SYNJ1: variants seen among roughly 807,000 people sequenced by gnomAD.
SYNJ1 encodes synaptojanin 1, also known as polyphosphatidylinositol phosphatase SYNJ1.
SYNJ1 carries 78 observed loss-of-function variants against 168.2 expected under a neutral mutation model. That is an observed-to-expected ratio of 0.46 (90% CI 0.39 to 0.56). The LOEUF (loss-of-function observed/expected upper bound fraction) is 0.56. Among genes scored for constraint, SYNJ1 ranks in the 20% least tolerant of loss-of-function variants. The pLI is 0.00. For synonymous variants in SYNJ1, 539 were observed against 548.6 expected, an observed-to-expected ratio of 0.98 and a Z score of 0.24; for missense variants, 1,303 against 1,597.6, an observed-to-expected ratio of 0.82 and a Z score of 3.14.
intron 1 of SYNJ1, among the ~76,000 whole-genome samples, chr21:32,727,386 G>A (rs925595498): frequency 4.6e-5 from 7 of 152,224 alleles, no homozygotes; most frequent in Non-Finnish European, 5.9e-5. Context: ...GGGGGCAGGA[G>A]AAGGAAAAGG....
intron 2 of SYNJ1, among the ~76,000 whole-genome samples, chr21:32,712,072 T>C (rs966813035): frequency 1.3e-5 from 2 of 152,268 alleles, no homozygotes; most frequent in South Asian, 2.1e-4. Context: ...GTCAACATTC[T>C]GCTGTGGGTC....
chr21:32,660,785 A>G (rs2040667068), intron 18 of SYNJ1, among the ~76,000 whole-genome samples: 1 of 152,226 alleles, frequency 6.6e-6, no homozygotes, highest in African/African-American at 2.4e-5. Flanking sequence ...GGAGCATTAT[A>G]TAAGGAAAAG....
At chr21:32,660,958 G>A (rs1039091694) in intron 18 of SYNJ1, among the ~76,000 whole-genome samples, 2 of 152,210 alleles carry the variant, frequency 1.3e-5, no homozygotes, top group African/African-American at 4.8e-5. Flanking sequence ...TGACTCAGAA[G>A]CTCGAAAAGC....
At chr21:32,697,493 T>C (rs1255698358) in intron 4 of SYNJ1, among the ~76,000 whole-genome samples, 1 of 125,284 alleles carries the variant, frequency 8.0e-6, no homozygotes, top group Non-Finnish European at 1.7e-5. Context: ...TACTCTTAAG[T>C]GAATTAAAAA....
rs1269479778 is a variant in SYNJ1 at position 32,657,633 on chromosome 21, T to C, written c.2461+83A>G. ...GTTAATGTTTCTTGAAAAACAATATTCTCCTCATTTGATATTATGTCATTC... is the reference window on the plus strand; with the variant it reads ...GTTAATGTTTCTTGAAAAACAATATCCTCCTCATTTGATATTATGTCATTC... On this transcript the variant is annotated intron_variant, in intron 19 of 32. Coordinates refer to ENST00000674351, the MANE Select transcript of SYNJ1 (RefSeq NM_203446.3). The C allele has an allele frequency of 4.5e-5, 58 of 1,295,194 alleles. 1 individual carries two copies. The Admixed American group carries it at 1.5e-3, about 35-fold the overall frequency. The allele number at this position is 1,295,194 out of a possible 1,614,324, so 80.2% of individuals were successfully genotyped here.
chr21:32,717,599 T>C lies in SYNJ1; in HGVS notation c.124+9173A>G, dbSNP rs112071022. On this transcript the variant is annotated intron_variant, in intron 2 of 32. Coordinates refer to ENST00000674351, the MANE Select transcript of SYNJ1 (RefSeq NM_203446.3). Reference sequence around the variant, plus strand: ...AGTATACCCTTTGCAGTACTCAACCTAATTCTCCATGCAGGACTTCTCCAC... The same window carrying C: ...AGTATACCCTTTGCAGTACTCAACCCAATTCTCCATGCAGGACTTCTCCAC... Among the ~76,000 whole-genome samples, 114 of 152,308 alleles carry C rather than the reference T, an allele frequency of 7.5e-4. 1 individual carries two copies. The highest frequency in any genetic ancestry group is 2.6e-3 in the African/African-American group (109 of 41,570).
At position 32,673,400 on chromosome 21, in the gene SYNJ1, G is replaced by C. The variant is rs761144177; in HGVS notation, c.1666C>G (p.Gln556Glu). 1.2e-6 allele frequency: 2 copies of C among 1,613,846 alleles called. No individual in the cohort carries two copies. The highest frequency in any genetic ancestry group is 1.7e-6 in the Non-Finnish European group (2 of 1,179,876). Reference protein sequence around the residue: ...KQFRSIAFKNQTLTDWLLDAP... With the variant: ...KQFRSIAFKNETLTDWLLDAP... Reference sequence around the variant, plus strand: ...TCAAGAAGCCAGTCAGTGAGTGTCTGATTCTTAAAAGCTATGCTGCGAAAT... The same window carrying C: ...TCAAGAAGCCAGTCAGTGAGTGTCTCATTCTTAAAAGCTATGCTGCGAAAT... Residue 556 changes from glutamine (Q) to glutamate (E), a missense_variant, in exon 14 of 33, where the codon CAG becomes GAG. Around this residue, in one of 2 missense-constraint regions of SYNJ1, gnomAD observed 920 missense variants for 1,208.8 expected, o/e 0.76. Transcript: ENST00000674351.
intron 18 of SYNJ1, 82 bp from the exon 19 acceptor site, chr21:32,657,954 C>A: frequency 9.3e-7 from 1 of 1,074,874 alleles, no homozygotes; most frequent in East Asian, 2.5e-5. Context: ...CATTAAATGT[C>A]TATTACATGC....
Position 32,681,640 on chromosome 21 carries a change from A to G in SYNJ1, c.1209T>C (p.Ala403=), listed in dbSNP as rs1248754086. The change falls in exon 11 of 33, where the codon GCT becomes GCC. Residue 403 remains alanine (A), a synonymous_variant. Transcript: ENST00000674351. The stretch of plus-strand genomic sequence containing the variant: ...CTAAACCAAGAGCTTCCAACTGTTT[A>G]GCTAGCATCTTAAAAAGCAAACAAG... ...VQAFLGLEML[A]KQLEALGLAE... 1 of 1,607,760 alleles carries G rather than the reference A, an allele frequency of 6.2e-7. No individual in the cohort carries two copies. The highest frequency in any genetic ancestry group is 8.5e-7 in the Non-Finnish European group (1 of 1,178,004).
intron 18 of SYNJ1, among the ~76,000 whole-genome samples, chr21:32,658,244 G>A (rs1484349276): frequency 6.6e-6 from 1 of 152,100 alleles, no homozygotes; most frequent in Non-Finnish European, 1.5e-5. Context: ...CCAATCCTGT[G>A]CCCATAAAAA....
intron 30 of SYNJ1, 37 bp from the exon 31 acceptor site, chr21:32,639,162 C>T (rs369736234): frequency 6.4e-7 from 1 of 1,552,114 alleles, no homozygotes; most frequent in Non-Finnish European, 8.7e-7. Context: ...TAGGTATATT[C>T]TAGAAAACCA....
Position 32,656,791 on chromosome 21 carries a change from C to G in SYNJ1, c.2691G>C (p.Leu897Phe). 1 of 1,614,024 alleles carries G rather than the reference C, an allele frequency of 6.2e-7. No individual in the cohort carries two copies. The highest frequency in any genetic ancestry group is 8.5e-7 in the Non-Finnish European group (1 of 1,179,994). Residue 897 changes from leucine (L) to phenylalanine (F), a missense_variant, in exon 21 of 33, where the codon TTG becomes TTC. By Grantham distance (22) the Leu-to-Phe change is conservative. Around this residue, in one of 2 missense-constraint regions of SYNJ1, gnomAD observed 920 missense variants for 1,208.8 expected, o/e 0.76. Coordinates refer to ENST00000674351, the MANE Select transcript of SYNJ1 (RefSeq NM_203446.3). ...CTGGTAAAGAACTTTTGATTGAGAC[C>G]AATACTGTACCATCTGGTGGACCCT... is the stretch of plus-strand genomic sequence containing the variant. ...AVQGPPDGTV[L>F]VSIKSSLPEN...
rs1443805649 is a variant in SYNJ1 at position 32,673,539 on chromosome 21, AGAG to A, written c.1535-11_1535-9del. 6.3e-7 allele frequency: 1 copy of A among 1,586,368 alleles called. No homozygotes were observed. Reference sequence around the variant, plus strand: ...TTAGTACTTTAGAAGATGCTAATCAAGAGAAGACACAATAGAATTTTAGCTGCA... The same window carrying A: ...TTAGTACTTTAGAAGATGCTAATCAAAAGACACAATAGAATTTTAGCTGCA... On this transcript the variant is annotated splice_polypyrimidine_tract_variant and intron_variant, in intron 13 of 32. Coordinates refer to ENST00000674351, the MANE Select transcript of SYNJ1 (RefSeq NM_203446.3).
In SYNJ1 at chr21:32,694,232, A is replaced by C; in HGVS notation, c.785T>G (p.Leu262Trp). Residue 262 changes from leucine (L) to tryptophan (W), a missense_variant, in exon 6 of 33, where the codon TTG (leucine) becomes TGG (tryptophan). Transcript: ENST00000674351. Reference protein sequence around the residue: ...SVPLFWEQPGLQVGSHRVRMS... With the variant: ...SVPLFWEQPGWQVGSHRVRMS... ...AACTGAATGTCAAACACATACTTGC[A>C]ACCCTGGTTGCTCCCAGAACAATGG... The C allele has an allele frequency of 2.6e-6, 4 of 1,534,462 alleles. No individual in the cohort carries two copies. The highest frequency in any genetic ancestry group is 3.5e-6 in the Non-Finnish European group (4 of 1,148,414).
At chr21:32,696,613 T>C (rs2042221806) in intron 4 of SYNJ1, among the ~76,000 whole-genome samples, 1 of 152,246 alleles carries the variant, frequency 6.6e-6, no homozygotes, top group Non-Finnish European at 1.5e-5. Flanking sequence ...CTTTAGGTTT[T>C]AAGTGGAATT....
intron 2 of SYNJ1, among the ~76,000 whole-genome samples, chr21:32,722,203 A>ATATATAT (rs1214320010): frequency 1.8e-4 from 16 of 88,680 alleles, no homozygotes; most frequent in Non-Finnish European, 2.7e-4. Context: ...AAAAAAAAAA[A>ATATATAT]AAATATATAT....
intron 25 of SYNJ1, 54 bp downstream of exon 25, chr21:32,645,591 TA>T: frequency 6.8e-7 from 1 of 1,464,498 alleles, no homozygotes; most frequent in Non-Finnish European, 9.0e-7. Context: ...CAAAACATTT[TA>T]AAATAGAGTG....
chr21:32,687,391 G>C (rs560420536), intron 7 of SYNJ1, among the ~76,000 whole-genome samples: 2 of 152,154 alleles, frequency 1.3e-5, no homozygotes, highest in African/African-American at 4.8e-5. Flanking sequence ...AAGGCAGTAA[G>C]GGCAGATGGC....
chr21:32,681,706 C>T, intron 10 of SYNJ1, 58 bp from the exon 11 acceptor site: 1 of 1,492,016 alleles, frequency 6.7e-7, no homozygotes, highest in Non-Finnish European at 9.0e-7. Context: ...TGTAATATGG[C>T]TTTTAAGAAC....
Sources: allele counts gnomAD v4.1 joint callset (sites outside exome capture counted in the v4.1 genomes callset), GRCh38; gene constraint gnomAD v4.1.1; regional missense constraint gnomAD v4.1.1; transcripts MANE v1.5; gene names NCBI Gene and HGNC (gene_info 2026-07-23, HGNC 2026-07-21).